TGM2: variants seen among roughly 807,000 people sequenced by gnomAD.
TGM2 encodes protein-glutamine gamma-glutamyltransferase 2.
In TGM2, 53 loss-of-function variants were observed where a neutral mutation model predicts 75.6. The observed-to-expected ratio is 0.70, with a 90% CI of 0.56 to 0.88. TGM2 has a LOEUF of 0.88. Among genes scored for constraint, TGM2 ranks in the 40% least tolerant of loss-of-function variants. The pLI is 0.00. For synonymous variants in TGM2, 374 were observed against 381.1 expected (o/e 0.98, Z 0.22); for missense variants, 842 against 928.5 (o/e 0.91, Z 1.21).
chr20:38,144,757 A>G (rs931139714), intron 6 of TGM2, among the ~76,000 whole-genome samples: 1 of 152,174 alleles, frequency 6.6e-6, no homozygotes, highest in Non-Finnish European at 1.5e-5. Flanking sequence ...TCATGGGCCA[A>G]TTCACCATTG....
chr20:38,138,932 AC>A (rs1210633946), intron 9 of TGM2, among the ~76,000 whole-genome samples: 1 of 151,976 alleles, frequency 6.6e-6, no homozygotes, highest in African/African-American at 2.4e-5. Flanking sequence ...TCAGCTCTAG[AC>A]CTTTCAGGGG....
intron 6 of TGM2, among the ~76,000 whole-genome samples, chr20:38,143,070 G>A (rs771833871): frequency 6.6e-6 from 1 of 152,228 alleles, no homozygotes; most frequent in South Asian, 2.1e-4. Flanking sequence ...TCTGTCTTAT[G>A]TTAGATCCTG....
At chr20:38,146,994 G>C in intron 5 of TGM2, 100 bp from the exon 6 acceptor site, 2 of 1,285,740 alleles carry the variant, frequency 1.6e-6, no homozygotes, top group Non-Finnish European at 2.2e-6. Flanking sequence ...AGCTGGGGAG[G>C]GGAGCTCCAG....
At chr20:38,158,599 T>A (rs187009767) in intron 2 of TGM2, among the ~76,000 whole-genome samples, 23 of 152,314 alleles carry the variant, frequency 1.5e-4, no homozygotes, top group Admixed American at 3.3e-4. Flanking sequence ...CGACCCCACC[T>A]TGGAGGGAAC....
At chr20:38,138,995 C>T (rs909121163) in intron 9 of TGM2, among the ~76,000 whole-genome samples, 1 of 152,128 alleles carries the variant, frequency 6.6e-6, no homozygotes, top group African/African-American at 2.4e-5. Flanking sequence ...TAGAGTATGG[C>T]CAGGCAACCC....
rs1394842991 is a variant in TGM2, at chr20:38,129,782, G to A, written c.*437C>T. The stretch of plus-strand genomic sequence containing the variant: ...CCCCTGGAGCTGGGTGCAGTCATGG[G>A]AAGAGGTACGGGATGCAGTCTAGGG... On this transcript the variant is annotated 3_prime_UTR_variant, in exon 13 of 13. Coordinates refer to ENST00000361475, the MANE Select transcript of TGM2 (RefSeq NM_004613.4). 2.2e-5 allele frequency: 4 copies of A among 180,858 alleles called. No homozygotes were observed. In the East Asian group the frequency reaches 5.5e-4, roughly 25 times the overall value. 11.2% of individuals were successfully genotyped at this position (180,858 alleles called of 1,614,324 possible). A position where few individuals can be genotyped will look rare whatever the true frequency, so the allele number is the denominator to read the frequency against.
intron 4 of TGM2, 138 bp from the exon 5 acceptor site, chr20:38,148,227 A>C: frequency 8.0e-6 from 9 of 1,118,100 alleles, no homozygotes; most frequent in East Asian, 2.5e-5. Flanking sequence ...AGTCTACCAA[A>C]TCTCTCTGGT....
chr20:38,146,679 C>G lies in TGM2; in HGVS notation c.859+38G>C, dbSNP rs774966189. 9.9e-6 allele frequency: 16 copies of G among 1,611,666 alleles called. No homozygotes were observed. In the African/African-American group the frequency reaches 2.0e-4, roughly 20 times the overall value. On this transcript the variant is annotated intron_variant, in intron 6 of 12. Coordinates refer to ENST00000361475, the MANE Select transcript of TGM2 (RefSeq NM_004613.4). ...TACTCCAGTGCTCTTCGTGCCCCCT[C>G]CCAGGGCTCATGACCCACATCCCAG...
chr20:38,138,039 C>A (rs2074920863), intron 10 of TGM2, 74 bp downstream of exon 10: 1 of 1,508,206 alleles, frequency 6.6e-7, no homozygotes, highest in Non-Finnish European at 8.9e-7. Context: ...ATCACACATG[C>A]TAAGTGGTTA....
Position 38,152,260 on chromosome 20 carries a change from T to C in TGM2, c.434-1203A>G, listed in dbSNP as rs899363612. ...GAAGCTGGCCTGGGAAGGAAGCAGC[T>C]GCCGGCCCCTCAGACCCCTGGGCTT... is the stretch of plus-strand genomic sequence containing the variant. On this transcript the variant is annotated intron_variant, in intron 3 of 12. Transcript: ENST00000361475. Among the ~76,000 whole-genome samples the C allele has an allele frequency of 2.6e-5, 4 of 152,300 alleles. No homozygotes were observed. In the South Asian group the frequency reaches 8.3e-4, roughly 32 times the overall value.
rs6127200 is a variant in TGM2 at position 38,127,530 on chromosome 20, G to C, written c.*2689C>G. ...TTCGATGGTGGGGAATGAGATGAAT[G>C]ACCAAGTCTGCACATCCACGGAATC... On this transcript the variant is annotated 3_prime_UTR_variant, in exon 13 of 13. Transcript: ENST00000361475. 34,822 of 217,652 alleles carry C rather than the reference G, an allele frequency of 0.16. 3,011 individuals carry two copies. Among genetic ancestry groups the C allele is most frequent in the East Asian group, 0.34 (1,853 of 5,400 alleles). The allele number at this position is 217,652 out of a possible 1,614,324, so 13.5% of individuals were successfully genotyped here.
upstream of TGM2, among the ~76,000 whole-genome samples, chr20:38,167,242 C>G (rs1600530007): frequency 6.6e-6 from 1 of 152,134 alleles, no homozygotes; most frequent in Non-Finnish European, 1.5e-5. Flanking sequence ...AGGCGTTAGC[C>G]CTGCCCCAGA....
At chr20:38,147,874 G>A (rs1286715596) in intron 5 of TGM2, 87 bp downstream of exon 5, 32 of 1,542,858 alleles carry the variant, frequency 2.1e-5, no homozygotes, top group Admixed American at 5.9e-5. Context: ...CCCCCACCGC[G>A]CCTAGCCTGT....
chr20:38,129,151 G>C lies in TGM2; in HGVS notation c.*1068C>G, dbSNP rs563927379. 6.6e-6 allele frequency: 1 copy of C among 152,464 alleles called. No homozygotes were observed. Among genetic ancestry groups the C allele is most frequent in the Non-Finnish European group, 1.5e-5 (1 of 68,170 alleles). 9.4% of individuals were successfully genotyped at this position (152,464 alleles called of 1,614,324 possible). ...AGTGGACCTTGTGGTTATTTACAAG[G>C]CTGGGCCATATAAAAGCATTGCAAA... On this transcript the variant is annotated 3_prime_UTR_variant, in exon 13 of 13. Coordinates refer to ENST00000361475, the MANE Select transcript of TGM2 (RefSeq NM_004613.4).
Position 38,161,006 on chromosome 20 carries a change from C to T in TGM2, c.190+414G>A, listed in dbSNP as rs529886844. On this transcript the variant is annotated intron_variant, in intron 2 of 12. Coordinates refer to ENST00000361475, the MANE Select transcript of TGM2 (RefSeq NM_004613.4). The stretch of plus-strand genomic sequence containing the variant: ...TTTTACTACAGACAGGGTTTCTCCA[C>T]GTTGGTCAGGCTGGTCTTGAACTCC... Among the ~76,000 whole-genome samples, 8 of 152,170 alleles carry T rather than the reference C, an allele frequency of 5.3e-5. No individual in the cohort carries two copies. The South Asian group carries it at 6.2e-4, about 12-fold the overall frequency.
intron 12 of TGM2, 59 bp from the exon 13 acceptor site, chr20:38,130,428 G>T (rs1372969814): frequency 5.2e-6 from 8 of 1,537,692 alleles, no homozygotes; most frequent in Non-Finnish European, 7.0e-6. Context: ...CCGCATGCTG[G>T]GGTCCAGCCA....
intron 2 of TGM2, among the ~76,000 whole-genome samples, chr20:38,158,458 G>T (rs2075214170): frequency 6.6e-6 from 1 of 152,142 alleles, no homozygotes; most frequent in African/African-American, 2.4e-5. Flanking sequence ...CCAGACCATG[G>T]TGGCCGGGCT....
At chr20:38,161,705 A>G in intron 1 of TGM2, 106 bp from the exon 2 acceptor site, 1 of 1,339,736 alleles carries the variant, frequency 7.5e-7, no homozygotes, top group Non-Finnish European at 1.1e-6. Flanking sequence ...CTTACTCCCC[A>G]CAAAGCACAG....
chr20:38,132,887 G>A (rs765074630), intron 10 of TGM2: 3 of 459,060 alleles, frequency 6.5e-6, no homozygotes, highest in South Asian at 4.6e-5. Flanking sequence ...GTGCGCTCGG[G>A]ACTCAGGGTG....
Sources: allele counts gnomAD v4.1 joint callset (sites outside exome capture counted in the v4.1 genomes callset), GRCh38; gene constraint gnomAD v4.1.1; transcripts MANE v1.5; gene names NCBI Gene and HGNC (gene_info 2026-07-23, HGNC 2026-07-21).